The following TRAK1 variants were observed in gnomAD, a reference collection of about 807,000 sequenced individuals.
The protein encoded by TRAK1 is trafficking kinesin protein 1.
A neutral mutation model predicts 92.1 loss-of-function variants in TRAK1; 33 were observed. The observed-to-expected ratio is 0.36, with a 90% CI of 0.27 to 0.48. The LOEUF is 0.48. Ranked by LOEUF, TRAK1 falls within the 20% of genes least tolerant of loss-of-function variation. TRAK1 has a pLI of 0.99. For missense variants in TRAK1, 1,123 were observed against 1,257.9 expected (o/e 0.89, Z 1.62); for synonymous variants, 521 against 517.3 (o/e 1.01, Z -0.10).
chr3:42,112,135 C>CTTTTTTTT (rs1223261204), intron 1 of TRAK1, among the ~76,000 whole-genome samples: 3 of 71,044 alleles, frequency 4.2e-5, no homozygotes, highest in Admixed American at 1.9e-4. Flanking sequence ...TCAGCTCTTA[C>CTTTTTTTT]TTTTTTTTTT....
chr3:42,041,554 CAAA>C (rs1158790709), intron 1 of TRAK1, among the ~76,000 whole-genome samples: 1 of 149,016 alleles, frequency 6.7e-6, no homozygotes, highest in East Asian at 1.9e-4. Flanking sequence ...ATGTCATGTA[CAAA>C]TGGTGGTAGC....
rs551911583 is a variant in TRAK1, at chr3:42,042,661, G to A, written c.-519+28544G>A. On this transcript the variant is annotated intron_variant, in intron 1 of 16. Coordinates refer to the TRAK1 transcript ENST00000487159. Reference sequence around the variant, plus strand: ...GCTGGGATTACAGGTGTGAGCCACCGCGCCCAGCCTGGAACTTTTATTTTT... The same window carrying A: ...GCTGGGATTACAGGTGTGAGCCACCACGCCCAGCCTGGAACTTTTATTTTT... Among the ~76,000 whole-genome samples the A allele has an allele frequency of 0.013, 1,933 of 145,850 alleles. 61 individuals are homozygous for A. The East Asian group carries it at 0.14, about 10-fold the overall frequency.
upstream of TRAK1, among the ~76,000 whole-genome samples, chr3:42,089,377 G>A (rs529265882): frequency 3.9e-5 from 6 of 152,116 alleles, no homozygotes; most frequent in Admixed American, 2.6e-4. Flanking sequence ...TTCTTTCTCC[G>A]CTCAACCATG....
Position 42,030,728 on chromosome 3 carries a change from A to G in TRAK1, c.-519+16611A>G, listed in dbSNP as rs866169847. On this transcript the variant is annotated intron_variant, in intron 1 of 16. Transcript: ENST00000487159. ...TATATATATATATATATATATATATATATATATATATATGTAACTTGTTGG... is the reference window on the plus strand; with the variant it reads ...TATATATATATATATATATATATATGTATATATATATATGTAACTTGTTGG... Among the ~76,000 whole-genome samples, 10 of 113,592 alleles carry G rather than the reference A, an allele frequency of 8.8e-5. 1 individual carries two copies. Among genetic ancestry groups the G allele is most frequent in the African/African-American group, 3.8e-4 (10 of 26,306 alleles). The allele number at this position is 113,592 out of a possible 152,430, so 74.5% of individuals were successfully genotyped here.
chr3:42,110,967 A>G (rs1160496224), intron 1 of TRAK1, among the ~76,000 whole-genome samples: 1 of 152,192 alleles, frequency 6.6e-6, no homozygotes, highest in East Asian at 1.9e-4. Context: ...GTCCAATGAC[A>G]GAGACTGCTG....
chr3:42,212,503 A>G, intron 14 of TRAK1: 1 of 985,214 alleles, frequency 1.0e-6, no homozygotes, highest in Non-Finnish European at 1.2e-6. Flanking sequence ...ATGTATTTAA[A>G]TGTATTATTT....
At chr3:42,091,635 A>G (rs1705079011) in intron 1 of TRAK1, 75 bp downstream of exon 1, 3 of 1,421,606 alleles carry the variant, frequency 2.1e-6, no homozygotes, top group Non-Finnish European at 2.9e-6. Context: ...AGACCACAGG[A>G]GAAGCTGTCT....
At chr3:42,096,529 C>T (rs2148993175) in intron 1 of TRAK1, among the ~76,000 whole-genome samples, 1 of 152,354 alleles carries the variant, frequency 6.6e-6, no homozygotes, top group Middle Eastern at 3.4e-3. Flanking sequence ...GCTGGGATTA[C>T]AGGCGTGAGC....
At chr3:42,124,461 A>G (rs1355885039) in intron 1 of TRAK1, among the ~76,000 whole-genome samples, 2 of 152,216 alleles carry the variant, frequency 1.3e-5, no homozygotes, top group East Asian at 1.9e-4. Context: ...GCACTGGGAT[A>G]GAGAAGTAGG....
At chr3:42,134,323 C>T (rs188107589) in intron 2 of TRAK1, among the ~76,000 whole-genome samples, 2,086 of 151,640 alleles carry the variant, frequency 0.014, 151 homozygotes, top group Admixed American at 0.12. Context: ...GTTGCCCAGG[C>T]TGGAGTGCAG....
chr3:42,133,159 C>T (rs1697438234), intron 2 of TRAK1, among the ~76,000 whole-genome samples: 1 of 152,170 alleles, frequency 6.6e-6, no homozygotes, highest in African/African-American at 2.4e-5. Flanking sequence ...CCAACTGGGT[C>T]ATGCCGCTCC....
intron 2 of TRAK1, among the ~76,000 whole-genome samples, chr3:42,158,811 TAGCC>T (rs1700876521): frequency 7.2e-6 from 1 of 139,334 alleles, no homozygotes. Flanking sequence ...AAAAAAAAAT[TAGCC>T]AGGTGTGGTG....
In TRAK1 at chr3:42,210,692, C is replaced by A. The variant is rs75888718; in HGVS notation, c.1963+707C>A. ...CCAGCTTCAATGGAGGTATATATGT[C>A]ATTTTCTTTTCAGCTTACACATGTG... On this transcript the variant is annotated intron_variant, in intron 14 of 15. Transcript: ENST00000327628. 2,248 of 989,372 alleles carry A rather than the reference C, an allele frequency of 2.3e-3. 44 individuals are homozygous for A. The African/African-American group carries it at 0.035, about 15-fold the overall frequency. The allele number at this position is 989,372 out of a possible 1,614,324, so 61.3% of individuals were successfully genotyped here.
At chr3:42,025,907 T>C (rs1701895975) in intron 1 of TRAK1, among the ~76,000 whole-genome samples, 1 of 152,216 alleles carries the variant, frequency 6.6e-6, no homozygotes, top group South Asian at 2.1e-4. Flanking sequence ...AAAGAGGGAC[T>C]CTTTAACAAA....
At chr3:42,090,803 A>G (rs1704984395), upstream of TRAK1, among the ~76,000 whole-genome samples, 1 of 152,250 alleles carries the variant, frequency 6.6e-6, no homozygotes, top group South Asian at 2.1e-4. Context: ...ACCAGAGGAA[A>G]GCTGAGAAAC....
At chr3:42,153,744 G>GT (rs752792895) in intron 2 of TRAK1, among the ~76,000 whole-genome samples, 14 of 152,084 alleles carry the variant, frequency 9.2e-5, no homozygotes, top group African/African-American at 2.9e-4. Context: ...GTTCGTGAGT[G>GT]TTTTTTTTCT....
chr3:42,118,339 G>A (rs1015801725), intron 1 of TRAK1, among the ~76,000 whole-genome samples: 18 of 151,602 alleles, frequency 1.2e-4, no homozygotes, highest in African/African-American at 3.2e-4. Flanking sequence ...TGATCTGCCC[G>A]CCTCGGCCTC....
intron 1 of TRAK1, among the ~76,000 whole-genome samples, chr3:42,078,649 AGC>A (rs1704271361): frequency 6.6e-6 from 1 of 151,124 alleles, no homozygotes; most frequent in African/African-American, 2.4e-5. Context: ...GCTACTCGGG[AGC>A]CTGAGGCAGG....
At position 42,158,571 on chromosome 3, in the gene TRAK1, CTTTTTTTTT is replaced by C. The variant is rs10522929; in HGVS notation, c.287-18230_287-18222del. ...GAACTCCCTGCCTGAATTTCTACAC[CTTTTTTTTT>C]TTTTTTTTTTTTGGCTAAGAACACA... On this transcript the variant is annotated intron_variant, in intron 2 of 15. Coordinates refer to ENST00000327628, the MANE Select transcript of TRAK1 (RefSeq NM_001042646.3). Among the ~76,000 whole-genome samples, 1,016 of 147,416 alleles carry C rather than the reference CTTTTTTTTT, an allele frequency of 6.9e-3. 15 individuals are homozygous for C. Among genetic ancestry groups the C allele is most frequent in the African/African-American group, 0.025 (964 of 38,738 alleles).
Sources: allele counts gnomAD v4.1 joint callset (sites outside exome capture counted in the v4.1 genomes callset), GRCh38; gene constraint gnomAD v4.1.1; transcripts MANE v1.5; gene names NCBI Gene and HGNC (gene_info 2026-07-23, HGNC 2026-07-21).